CELF2: variants seen among roughly 807,000 people sequenced by gnomAD.
CELF2 encodes CUGBP Elav-like family member 2.
Under a neutral mutation model 62.6 loss-of-function variants are expected in CELF2, and 8 were observed. The ratio of observed to expected loss-of-function variants is 0.13; its 90% CI spans 0.07 to 0.23. The LOEUF (loss-of-function observed/expected upper bound fraction) is 0.23. Among genes scored for constraint, CELF2 ranks in the 10% least tolerant of loss-of-function variants. The pLI is 1.00. For synonymous variants in CELF2, 258 were observed against 250.0 expected, an observed-to-expected ratio of 1.03 and a Z score of -0.30; for missense variants, 333 against 671.0, an observed-to-expected ratio of 0.50 and a Z score of 5.56.
chr10:10,716,356 C>A, the CELF2 span, among the ~76,000 whole-genome samples: 1 of 152,174 alleles, frequency 6.6e-6, no homozygotes, highest in African/African-American at 2.4e-5. Flanking sequence ...GCCTGGGCAA[C>A]ATGGCGAAAC....
At chr10:10,942,122 A>AG (rs1385652912) in intron 2 of CELF2, among the ~76,000 whole-genome samples, 1 of 152,096 alleles carries the variant, frequency 6.6e-6, no homozygotes, top group African/African-American at 2.4e-5. Context: ...GAAAAAAAAA[A>AG]TTGTCTTGGA....
chr10:10,990,824 G>A lies in CELF2; in HGVS notation c.89+70825G>A, dbSNP rs2053344079. On this transcript the variant is annotated intron_variant, in intron 2 of 13. Coordinates refer to the CELF2 transcript ENST00000636488. The surrounding 1 kb of genome is among the most constrained non-coding windows in gnomAD (Gnocchi z 4.6). ...ATTTTACTAAGTCAACATGGTTTGG[G>A]TATCATTTGGGGTAACCTGTGTTCT... Among the ~76,000 whole-genome samples the A allele has an allele frequency of 6.6e-6, 1 of 152,132 alleles. No homozygotes were observed. Among genetic ancestry groups the A allele is most frequent in the African/African-American group, 2.4e-5 (1 of 41,434 alleles).
chr10:11,150,544 A>G (rs540607238), intron 1 of CELF2, among the ~76,000 whole-genome samples: 2 of 152,358 alleles, frequency 1.3e-5, no homozygotes, highest in East Asian at 3.9e-4. Context: ...GACACCATTC[A>G]AAGTGGAGAT....
At chr10:10,628,653 G>A in the CELF2 span, among the ~76,000 whole-genome samples, 2 of 152,142 alleles carry the variant, frequency 1.3e-5, no homozygotes, top group Non-Finnish European at 2.9e-5. Flanking sequence ...GTATTCCATG[G>A]TGTATATGTG....
chr10:10,507,384 A>AT, the CELF2 span, among the ~76,000 whole-genome samples: 2 of 152,012 alleles, frequency 1.3e-5, no homozygotes, highest in African/African-American at 2.4e-5. Context: ...TTTGTTTTAG[A>AT]TTTTTTTTCT....
At chr10:10,679,850 AAT>A in the CELF2 span, among the ~76,000 whole-genome samples, 1 of 152,274 alleles carries the variant, frequency 6.6e-6, no homozygotes, top group South Asian at 2.1e-4. Flanking sequence ...TTTCTCCTTC[AAT>A]TTAGAATGGT....
chr10:10,918,660 T>G (rs1417884571), intron 1 of CELF2, among the ~76,000 whole-genome samples: 2 of 152,160 alleles, frequency 1.3e-5, no homozygotes, highest in Non-Finnish European at 2.9e-5. Context: ...AAGAAAATGT[T>G]CCTTTAAAGC....
the CELF2 span, among the ~76,000 whole-genome samples, chr10:10,646,878 A>G: frequency 6.6e-6 from 1 of 152,206 alleles, no homozygotes; most frequent in South Asian, 2.1e-4. Flanking sequence ...CAGAAGGGTG[A>G]AACAGTTTGC....
intron 3 of CELF2, among the ~76,000 whole-genome samples, chr10:11,239,938 A>G (rs2073164884): frequency 6.6e-6 from 1 of 152,174 alleles, no homozygotes; most frequent in Non-Finnish European, 1.5e-5. Context: ...CTGTAATCCC[A>G]GCTATTCGGG....
At chr10:10,643,968 T>G in the CELF2 span, among the ~76,000 whole-genome samples, 1 of 152,202 alleles carries the variant, frequency 6.6e-6, no homozygotes, top group Non-Finnish European at 1.5e-5. Flanking sequence ...AAAAGTTAAT[T>G]TCTTGGATGT....
rs1276874953 is a variant in CELF2, at chr10:11,207,579, A to G, written c.272-9846A>G. 6.6e-6 allele frequency among the ~76,000 whole-genome samples: 1 copy of G among 152,246 alleles called. No individual in the cohort carries two copies. Among genetic ancestry groups the G allele is most frequent in the Non-Finnish European group, 1.5e-5 (1 of 68,036 alleles). On this transcript the variant is annotated intron_variant, in intron 2 of 12. Coordinates refer to ENST00000633077, the MANE Select transcript of CELF2 (RefSeq NM_001326342.2). The surrounding 1 kb of genome is among the most constrained non-coding windows in gnomAD (Gnocchi z 4.1). ...TGGTGGAGCATCGCACGACTGCCTC[A>G]GGCGGCCAGAGGGCGGTGCGGGTCC...
At position 11,108,560 on chromosome 10, in the gene CELF2, G is replaced by A. The variant is rs2054282923; in HGVS notation, c.75-56926G>A. On this transcript the variant is annotated intron_variant, in intron 1 of 12. Transcript: ENST00000633077. ...TGCAGTGAATGCACATATCCCCTTAGGGCTTGGCGGGAGGGTTCATCTGGT... is the reference window on the plus strand; with the variant it reads ...TGCAGTGAATGCACATATCCCCTTAAGGCTTGGCGGGAGGGTTCATCTGGT... Among the ~76,000 whole-genome samples, 13 of 152,152 alleles carry A rather than the reference G, an allele frequency of 8.5e-5. 1 individual carries two copies. Among genetic ancestry groups the A allele is most frequent in the Admixed American group, 8.5e-4 (13 of 15,276 alleles).
chr10:10,463,581 G>T, the CELF2 span, among the ~76,000 whole-genome samples: 1 of 152,150 alleles, frequency 6.6e-6, no homozygotes, highest in South Asian at 2.1e-4. Flanking sequence ...AAAAAACATA[G>T]ACATCTCTTT....
chr10:10,489,562 A>C, the CELF2 span, among the ~76,000 whole-genome samples: 26 of 152,138 alleles, frequency 1.7e-4, no homozygotes, highest in African/African-American at 6.3e-4. Flanking sequence ...GTATATTAGA[A>C]ATGAATTCAA....
intron 1 of CELF2, among the ~76,000 whole-genome samples, chr10:10,870,519 TA>T (rs1347802753): frequency 6.6e-6 from 1 of 152,178 alleles, no homozygotes; most frequent in Non-Finnish European, 1.5e-5. Context: ...GAAATACCAG[TA>T]AATAACAAAA....
At chr10:11,299,648 G>A (rs1170082208) in intron 9 of CELF2, among the ~76,000 whole-genome samples, 1 of 152,160 alleles carries the variant, frequency 6.6e-6, no homozygotes. Context: ...GAAAACAGAG[G>A]CCTGCAAGGG....
chr10:10,833,760 A>G (rs1312352071), intron 1 of CELF2, among the ~76,000 whole-genome samples: 3 of 152,226 alleles, frequency 2.0e-5, no homozygotes, highest in Non-Finnish European at 2.9e-5. Context: ...AATCACAATG[A>G]GATACCATCT....
rs1342064789 is a variant in CELF2 at position 11,268,152 on chromosome 10, A to C, written c.618+1475A>C. Among the ~76,000 whole-genome samples, 2 of 152,158 alleles carry C rather than the reference A, an allele frequency of 1.3e-5. No individual in the cohort carries two copies. The highest frequency in any genetic ancestry group is 2.4e-5 in the African/African-American group (1 of 41,428). Reference sequence around the variant, plus strand: ...TACTGAGGCCGCTCCATTCCTGTGGATTAGCCTGATTTCCAGCCACATTTT... The same window carrying C: ...TACTGAGGCCGCTCCATTCCTGTGGCTTAGCCTGATTTCCAGCCACATTTT... On this transcript the variant is annotated intron_variant, in intron 6 of 12. Coordinates refer to ENST00000633077, the MANE Select transcript of CELF2 (RefSeq NM_001326342.2). The surrounding 1 kb of genome is among the most constrained non-coding windows in gnomAD (Gnocchi z 4.7).
At chr10:10,486,780 G>A in the CELF2 span, among the ~76,000 whole-genome samples, 2 of 152,092 alleles carry the variant, frequency 1.3e-5, no homozygotes, top group African/African-American at 4.8e-5. Context: ...ACATTCTTGG[G>A]TTTGTTGTCC....
Sources: allele counts gnomAD v4.1 joint callset (sites outside exome capture counted in the v4.1 genomes callset), GRCh38; gene constraint gnomAD v4.1.1; non-coding constraint Gnocchi (gnomAD v3.1); transcripts MANE v1.5; gene names NCBI Gene and HGNC (gene_info 2026-07-23, HGNC 2026-07-21).